PLEKHG1: variants seen among roughly 807,000 people sequenced by gnomAD.
PLEKHG1 encodes the protein pleckstrin homology and RhoGEF domain containing G1, also known as pleckstrin homology domain-containing family G member 1.
In PLEKHG1, 44 loss-of-function variants were observed where a neutral mutation model predicts 100.8. That is an observed-to-expected ratio of 0.44 (90% confidence interval 0.34 to 0.56). The LOEUF (loss-of-function observed/expected upper bound fraction) is 0.56, where lower values mean the gene tolerates loss of function less well. PLEKHG1 is among the 20% of genes least tolerant of loss of function. The pLI is 0.01. For synonymous variants in PLEKHG1, 640 were observed against 662.5 expected, an observed-to-expected ratio of 0.97 and a Z score of 0.52; for missense variants, 1,545 against 1,720.9, an observed-to-expected ratio of 0.90 and a Z score of 1.81.
chr6:150,624,583 C>G (rs1777434499), intron 1 of PLEKHG1: 1 of 152,198 alleles, frequency 6.6e-6, no homozygotes, highest in Admixed American at 6.5e-5. Context: ...AGTTCTTCAT[C>G]CTTACTTCCA....
At chr6:150,607,213 C>G (rs1034857614) in intron 1 of PLEKHG1, among the ~76,000 whole-genome samples, 2 of 152,072 alleles carry the variant, frequency 1.3e-5, no homozygotes, top group African/African-American at 4.8e-5. Context: ...GATTTAAGGC[C>G]GTCTCTGACC....
intron 3 of PLEKHG1, among the ~76,000 whole-genome samples, chr6:150,685,658 A>G (rs1426223932): frequency 6.6e-6 from 1 of 152,214 alleles, no homozygotes; most frequent in African/African-American, 2.4e-5. Context: ...GAATTTTGGA[A>G]AGGTCAAAAT....
chr6:150,788,999 C>T (rs1030260443), intron 4 of PLEKHG1, among the ~76,000 whole-genome samples: 4 of 152,156 alleles, frequency 2.6e-5, no homozygotes, highest in Non-Finnish European at 4.4e-5. Context: ...CAAAGTTACC[C>T]GTATGCTGTT....
chr6:150,695,896 A>G (rs1780525507), intron 3 of PLEKHG1, among the ~76,000 whole-genome samples: 1 of 152,184 alleles, frequency 6.6e-6, no homozygotes. Flanking sequence ...TGAAATGACT[A>G]AGTAGATGTT....
At chr6:150,794,662 G>A (rs138150024) in intron 4 of PLEKHG1, among the ~76,000 whole-genome samples, 72 of 151,770 alleles carry the variant, frequency 4.7e-4, no homozygotes, top group East Asian at 4.1e-3. Context: ...GTGAGGCTCC[G>A]TCTCAAAAAA....
At position 150,768,855 on chromosome 6, in the gene PLEKHG1, G is replaced by C. The variant is rs1784575634; in HGVS notation, c.512+117G>C. 4 of 658,754 alleles carry C rather than the reference G, an allele frequency of 6.1e-6. No individual in the cohort carries two copies. The South Asian group carries it at 7.4e-5, about 12-fold the overall frequency. 40.8% of individuals were successfully genotyped at this position (658,754 alleles called of 1,614,324 possible). ...TGACTCAGCTTCATATATTTTTGTG[G>C]GCTGTTGTGCCAAGAAGCTTTCTGC... On this transcript the variant is annotated intron_variant, in intron 3 of 15. Coordinates refer to ENST00000358517, the Ensembl canonical transcript of PLEKHG1.
At chr6:150,670,735 CAT>C (rs1779555912) in intron 3 of PLEKHG1, among the ~76,000 whole-genome samples, 1 of 152,158 alleles carries the variant, frequency 6.6e-6, no homozygotes, top group African/African-American at 2.4e-5. Context: ...AGGGAAATGA[CAT>C]AATGTTAACG....
At chr6:150,817,626 C>T (rs572874073) in intron 10 of PLEKHG1, among the ~76,000 whole-genome samples, 153 of 147,644 alleles carry the variant, frequency 1.0e-3, no homozygotes, top group Admixed American at 1.9e-3. Flanking sequence ...GGCTCAATCT[C>T]GGCTCACTGC....
chr6:150,712,468 A>G (rs1474972062), intron 3 of PLEKHG1, among the ~76,000 whole-genome samples: 1 of 152,212 alleles, frequency 6.6e-6, no homozygotes, highest in African/African-American at 2.4e-5. Flanking sequence ...GTAGAGATCA[A>G]ACCACCAGTC....
chr6:150,822,171 A>G (rs1776341917), intron 13 of PLEKHG1, among the ~76,000 whole-genome samples: 1 of 150,826 alleles, frequency 6.6e-6, no homozygotes, highest in African/African-American at 2.4e-5. Flanking sequence ...AAAAAAAAAA[A>G]AAAAAAAGAA....
At chr6:150,698,263 T>C (rs1274979468) in intron 3 of PLEKHG1, among the ~76,000 whole-genome samples, 1 of 152,238 alleles carries the variant, frequency 6.6e-6, no homozygotes, top group Non-Finnish European at 1.5e-5. Context: ...TAGTGTTTCC[T>C]ATGTGTGCAG....
intron 3 of PLEKHG1, among the ~76,000 whole-genome samples, chr6:150,679,295 G>T (rs1779860487): frequency 6.6e-6 from 1 of 152,122 alleles, no homozygotes; most frequent in Non-Finnish European, 1.5e-5. Flanking sequence ...AAGCTCCAAA[G>T]AGATATTTAG....
At chr6:150,816,604 G>A (rs554600703) in intron 10 of PLEKHG1, among the ~76,000 whole-genome samples, 2 of 152,124 alleles carry the variant, frequency 1.3e-5, no homozygotes, top group Admixed American at 6.5e-5. Flanking sequence ...GATCATAGGC[G>A]TGAGATACCA....
chr6:150,649,191 A>G (rs765982115), intron 2 of PLEKHG1, among the ~76,000 whole-genome samples: 38 of 152,252 alleles, frequency 2.5e-4, no homozygotes, highest in Non-Finnish European at 5.1e-4. Context: ...CCTATGCAGA[A>G]TAAAATTAGC....
chr6:150,722,811 G>A (rs998168036), intron 1 of PLEKHG1, among the ~76,000 whole-genome samples: 5 of 152,248 alleles, frequency 3.3e-5, no homozygotes, highest in Admixed American at 2.6e-4. Flanking sequence ...GTGCAGGGAT[G>A]TTTTGGAACT....
intron 3 of PLEKHG1, among the ~76,000 whole-genome samples, chr6:150,669,156 T>A (rs1779499933): frequency 6.6e-6 from 1 of 152,190 alleles, no homozygotes; most frequent in Non-Finnish European, 1.5e-5. Flanking sequence ...CACTGTGGGT[T>A]CAGGAAAGAC....
chr6:150,668,204 G>A (rs1779472508), intron 3 of PLEKHG1, among the ~76,000 whole-genome samples: 1 of 152,096 alleles, frequency 6.6e-6, no homozygotes, highest in African/African-American at 2.4e-5. Flanking sequence ...CAGACATAAA[G>A]CATTGGCTGC....
chr6:150,739,092 C>T (rs1782716017), intron 2 of PLEKHG1, among the ~76,000 whole-genome samples: 1 of 151,952 alleles, frequency 6.6e-6, no homozygotes, highest in Admixed American at 6.6e-5. Context: ...TAAGATTTGG[C>T]CTCAGATATA....
chr6:150,797,619 G>A (rs1786425444), intron 5 of PLEKHG1, among the ~76,000 whole-genome samples: 1 of 151,824 alleles, frequency 6.6e-6, no homozygotes, highest in South Asian at 2.1e-4. Flanking sequence ...CACATCACCT[G>A]AGGTCAGGAG....
Sources: allele counts gnomAD v4.1 joint callset (sites outside exome capture counted in the v4.1 genomes callset), GRCh38; gene constraint gnomAD v4.1.1; transcripts MANE v1.5; gene names NCBI Gene and HGNC (gene_info 2026-07-23, HGNC 2026-07-21).